TLE1: variants seen among roughly 807,000 people sequenced by gnomAD.
TLE1 encodes the protein TLE family member 1, transcriptional corepressor, also known as transducin-like enhancer protein 1.
In TLE1, 21 loss-of-function variants were observed where a neutral mutation model predicts 89.8. The observed-to-expected ratio is 0.23, with a 90% CI of 0.17 to 0.34. The LOEUF is 0.34. Ranked by LOEUF, TLE1 falls within the 10% of genes least tolerant of loss-of-function variation. TLE1 has a pLI of 1.00. For synonymous variants in TLE1, 447 were observed against 407.6 expected, an observed-to-expected ratio of 1.10 and a Z score of -1.16; for missense variants, 795 against 1,031.2, an observed-to-expected ratio of 0.77 and a Z score of 3.14.
chr9:81,644,057 C>T (rs950406041), intron 6 of TLE1, among the ~76,000 whole-genome samples: 14 of 152,156 alleles, frequency 9.2e-5, no homozygotes, highest in Non-Finnish European at 2.9e-5. Context: ...CGGCCTCACA[C>T]CCATTAGGAT....
At chr9:81,622,554 G>A (rs57432666) in intron 8 of TLE1, among the ~76,000 whole-genome samples, 18,614 of 152,192 alleles carry the variant, frequency 0.12, 2,289 homozygotes, top group East Asian at 0.55. Flanking sequence ...ACCTTTCCGT[G>A]GCTGGACCTT....
Position 81,583,920 on chromosome 9 carries a change from G to C in TLE1, c.*278C>G, listed in dbSNP as rs144840812. On this transcript the variant is annotated 3_prime_UTR_variant, in exon 20 of 20. Coordinates refer to ENST00000376499, the MANE Select transcript of TLE1 (RefSeq NM_005077.5). ...CCAGATCACCCAGAAAGAAAGAATGGGCTGTCATGTGAGTCGGCAGATTCC... is the reference window on the plus strand; with the variant it reads ...CCAGATCACCCAGAAAGAAAGAATGCGCTGTCATGTGAGTCGGCAGATTCC... 2.3e-3 allele frequency: 908 copies of C among 398,576 alleles called. 9 individuals are homozygous for C. The highest frequency in any genetic ancestry group is 0.017 in the African/African-American group (843 of 50,316). The allele number at this position is 398,576 out of a possible 1,614,324, so 24.7% of individuals were successfully genotyped here.
At chr9:81,646,558 CATAAGA>C (rs1193079779) in intron 6 of TLE1, among the ~76,000 whole-genome samples, 1 of 152,176 alleles carries the variant, frequency 6.6e-6, no homozygotes, top group Non-Finnish European at 1.5e-5. Flanking sequence ...ACCACATACT[CATAAGA>C]ATAAGAGGCC....
intron 6 of TLE1, among the ~76,000 whole-genome samples, chr9:81,649,158 T>C (rs1409559107): frequency 1.3e-5 from 2 of 152,210 alleles, no homozygotes; most frequent in Non-Finnish European, 2.9e-5. Context: ...CAGTATCAAA[T>C]ACCTAAGAAG....
intron 8 of TLE1, among the ~76,000 whole-genome samples, chr9:81,628,170 G>A (rs1563991742): frequency 6.6e-6 from 1 of 152,218 alleles, no homozygotes; most frequent in Non-Finnish European, 1.5e-5. Flanking sequence ...CTCTGCAAAT[G>A]GCGGTGGGAG....
At chr9:81,637,591 T>A (rs561648214) in intron 6 of TLE1, among the ~76,000 whole-genome samples, 8 of 152,014 alleles carry the variant, frequency 5.3e-5, no homozygotes, top group Non-Finnish European at 1.0e-4. Context: ...TCACTGTCTG[T>A]TATTAGAGGT....
intron 13 of TLE1, among the ~76,000 whole-genome samples, 167 bp downstream of exon 13, chr9:81,611,602 G>A (rs912596364): frequency 3.9e-4 from 60 of 152,366 alleles, no homozygotes; most frequent in African/African-American, 1.3e-3. Flanking sequence ...GCTGACAAGA[G>A]GAAGGTGAGT....
At chr9:81,629,260 T>G (rs145239484) in intron 8 of TLE1, among the ~76,000 whole-genome samples, 1 of 152,014 alleles carries the variant, frequency 6.6e-6, no homozygotes. Flanking sequence ...CAGATAAAAA[T>G]AGCATTCCCT....
intron 4 of TLE1, among the ~76,000 whole-genome samples, chr9:81,659,347 C>G (rs1830502727): frequency 6.6e-6 from 1 of 152,182 alleles, no homozygotes; most frequent in African/African-American, 2.4e-5. Flanking sequence ...AACTGTATTT[C>G]CCACCTAGAA....
intron 8 of TLE1, among the ~76,000 whole-genome samples, chr9:81,629,869 T>C (rs1826353586): frequency 2.0e-5 from 3 of 152,214 alleles, no homozygotes; most frequent in Non-Finnish European, 2.9e-5. Flanking sequence ...GATGGAAGTG[T>C]TGTTATGCAG....
intron 8 of TLE1, among the ~76,000 whole-genome samples, chr9:81,622,159 A>G (rs1259602541): frequency 6.6e-6 from 1 of 152,246 alleles, no homozygotes; most frequent in Admixed American, 6.5e-5. Context: ...CCGGGGCAGC[A>G]GCTGCTTGTT....
At chr9:81,649,235 A>G (rs1179887246) in intron 6 of TLE1, among the ~76,000 whole-genome samples, 8 of 152,172 alleles carry the variant, frequency 5.3e-5, no homozygotes, top group Non-Finnish European at 1.2e-4. Context: ...GAAAGAATTA[A>G]AATTCAGTAT....
At chr9:81,631,849 T>C (rs1826657293) in intron 8 of TLE1, among the ~76,000 whole-genome samples, 1 of 152,164 alleles carries the variant, frequency 6.6e-6, no homozygotes, top group African/African-American at 2.4e-5. Context: ...AGGCCTGCAA[T>C]CCCAGCACGT....
chr9:81,633,673 A>C, intron 7 of TLE1: 1 of 490,128 alleles, frequency 2.0e-6, no homozygotes, highest in Non-Finnish European at 3.6e-6. Flanking sequence ...GCATACTAGA[A>C]TTAAAGCCTA....
chr9:81,682,088 A>G (rs1403319021), intron 4 of TLE1, among the ~76,000 whole-genome samples: 1 of 151,908 alleles, frequency 6.6e-6, no homozygotes, highest in Non-Finnish European at 1.5e-5. Context: ...TCTACTACAA[A>G]AAAAAGAAAA....
intron 4 of TLE1, among the ~76,000 whole-genome samples, chr9:81,664,105 G>C (rs1425282893): frequency 6.6e-6 from 1 of 152,016 alleles, no homozygotes; most frequent in Non-Finnish European, 1.5e-5. Flanking sequence ...AGTTCCTGAA[G>C]ATGACGTCTT....
chr9:81,653,095 G>T, intron 5 of TLE1, among the ~76,000 whole-genome samples: 1 of 152,164 alleles, frequency 6.6e-6, no homozygotes, highest in East Asian at 1.9e-4. Flanking sequence ...GATCACTAAA[G>T]TCTAACAACT....
At chr9:81,639,852 G>A (rs1232265508) in intron 6 of TLE1, among the ~76,000 whole-genome samples, 3 of 152,082 alleles carry the variant, frequency 2.0e-5, no homozygotes, top group African/African-American at 7.2e-5. Context: ...CCAAAGTGCT[G>A]GGATTACAAC....
intron 2 of TLE1, among the ~76,000 whole-genome samples, chr9:81,687,091 A>G (rs1345381762): frequency 2.6e-5 from 4 of 152,232 alleles, no homozygotes; most frequent in Non-Finnish European, 5.9e-5. Flanking sequence ...AAAGACATGA[A>G]AAAGGACTCC....
Sources: gnomAD v4.1 joint callset for allele counts (sites outside exome capture counted in the v4.1 genomes callset) on GRCh38, gnomAD v4.1.1 for gene constraint, MANE v1.5 for transcripts, NCBI Gene and HGNC (gene_info 2026-07-23, HGNC 2026-07-21) for gene names.